RNF213: variants seen among roughly 807,000 people sequenced by gnomAD.
The protein encoded by RNF213 is E3 ubiquitin-protein ligase RNF213.
In RNF213, 341 loss-of-function variants were observed where a neutral mutation model predicts 514.4. That is an observed-to-expected ratio of 0.66 (90% CI 0.61 to 0.73). The LOEUF (loss-of-function observed/expected upper bound fraction) is 0.73, where lower values mean the gene tolerates loss of function less well. Ranked by LOEUF, RNF213 falls within the 30% of genes least tolerant of loss-of-function variation. The probability of loss-of-function intolerance (pLI) is 0.00; values close to 1 mark genes in which losing one functional copy is unlikely to be tolerated. For missense variants in RNF213, 5,767 were observed against 6,615.6 expected (o/e 0.87, Z 4.45); for synonymous variants, 2,655 against 2,658.2 (o/e 1.00, Z 0.04).
At chr17:80,365,604 G>A (rs2144425253) in intron 42 of RNF213, among the ~76,000 whole-genome samples, 1 of 152,180 alleles carries the variant, frequency 6.6e-6, no homozygotes, top group East Asian at 1.9e-4. Flanking sequence ...CTAAACTTAG[G>A]CACTCGGCCT....
At chr17:80,351,198 G>T (rs1305432638) in intron 31 of RNF213, among the ~76,000 whole-genome samples, 1 of 152,220 alleles carries the variant, frequency 6.6e-6, no homozygotes, top group Non-Finnish European at 1.5e-5. Context: ...AAATGGAAAG[G>T]TCCACTGGGT....
rs142036111 is a variant in RNF213, at chr17:80,351,028, A to G, written c.10184+632A>G. 4.7e-3 allele frequency among the ~76,000 whole-genome samples: 714 copies of G among 152,338 alleles called. 3 individuals are homozygous for G. Among genetic ancestry groups the G allele is most frequent in the African/African-American group, 0.016 (650 of 41,578 alleles). On this transcript the variant is annotated intron_variant, in intron 31 of 67. Coordinates refer to ENST00000582970, the MANE Select transcript of RNF213 (RefSeq NM_001256071.3). ...GTAGGGGAAGTCTGATGCTCTTAGA[A>G]TTAACTTTGTGCCTTTATTACTTAA...
chr17:80,381,971 CCCTGCCTGGCTAAGA>C, intron 57 of RNF213: 1 of 526,478 alleles, frequency 1.9e-6, no homozygotes, highest in Non-Finnish European at 3.5e-6. Context: ...CTCCATTCAC[CCCTGCCTGGCTAAGA>C]CCTGCGGTAT....
At chr17:80,267,314 A>T (rs200168435) in intron 2 of RNF213, among the ~76,000 whole-genome samples, 1 of 151,900 alleles carries the variant, frequency 6.6e-6, no homozygotes, top group African/African-American at 2.4e-5. Flanking sequence ...GGTGGCGTGT[A>T]CCTGTAGTCC....
intron 2 of RNF213, among the ~76,000 whole-genome samples, chr17:80,272,558 C>T (rs1000159938): frequency 1.3e-5 from 2 of 152,198 alleles, no homozygotes; most frequent in South Asian, 2.1e-4. Context: ...CCGCAAACGG[C>T]ACCAAGCCAT....
Position 80,263,901 on chromosome 17 carries a change from G to A in RNF213, c.97+123G>A, listed in dbSNP as rs908509893. ...CTCAGGTGGGGCCGAGGTCCTCTGTGGCTACTGAGGCTCTGTGGCTCTGAA... is the reference window on the plus strand; with the variant it reads ...CTCAGGTGGGGCCGAGGTCCTCTGTAGCTACTGAGGCTCTGTGGCTCTGAA... On this transcript the variant is annotated intron_variant, in intron 2 of 67. Coordinates refer to ENST00000582970, the MANE Select transcript of RNF213 (RefSeq NM_001256071.3). The surrounding 1 kb of genome is among the most constrained non-coding windows in gnomAD (Gnocchi z 4.9). 4.1e-6 allele frequency: 3 copies of A among 730,694 alleles called. No homozygotes were observed. The highest frequency in any genetic ancestry group is 1.5e-5 in the South Asian group (1 of 65,684). 45.3% of individuals were successfully genotyped at this position (730,694 alleles called of 1,614,324 possible). A position where few individuals can be genotyped will look rare whatever the true frequency, so the allele number is the denominator to read the frequency against.
At chr17:80,327,109 G>T (rs986684435) in intron 18 of RNF213, among the ~76,000 whole-genome samples, 2 of 152,192 alleles carry the variant, frequency 1.3e-5, no homozygotes, top group East Asian at 3.8e-4. Context: ...GATAGACATT[G>T]CTAGGTATGT....
At chr17:80,285,202 A>T (rs1292394814) in intron 3 of RNF213, among the ~76,000 whole-genome samples, 2 of 152,148 alleles carry the variant, frequency 1.3e-5, no homozygotes, top group Non-Finnish European at 2.9e-5. Context: ...ACCCTCAGTG[A>T]TGCTCTGATG....
At chr17:80,269,483 A>G (rs1249793275) in intron 2 of RNF213, among the ~76,000 whole-genome samples, 4 of 151,128 alleles carry the variant, frequency 2.6e-5, no homozygotes, top group Non-Finnish European at 5.9e-5. Context: ...TATTCTATCT[A>G]TCCATCCATC....
rs2080248650 is a variant in RNF213 at position 80,386,670 on chromosome 17, G to A, written c.14721-20G>A. ...CGCATGCCTGGCCTGGACGCTGAGC[G>A]CTGTCTTTCTGCCCCTCAGCTATTC... On this transcript the variant is annotated intron_variant, in intron 62 of 67. Transcript: ENST00000582970. 1.9e-6 allele frequency: 3 copies of A among 1,613,260 alleles called. No homozygotes were observed. The highest frequency in any genetic ancestry group is 1.3e-5 in the African/African-American group (1 of 75,034).
intron 3 of RNF213, among the ~76,000 whole-genome samples, chr17:80,276,540 A>G (rs552514557): frequency 6.6e-6 from 1 of 152,366 alleles, no homozygotes; most frequent in South Asian, 2.1e-4. Flanking sequence ...GAAAACCGAC[A>G]TGAACAAGAG....
At position 80,334,130 on chromosome 17, in the gene RNF213, G is replaced by C; in HGVS notation, c.4169G>C (p.Arg1390Pro). 1 of 1,537,196 alleles carries C rather than the reference G, an allele frequency of 6.5e-7. No individual in the cohort carries two copies. Among genetic ancestry groups the C allele is most frequent in the Non-Finnish European group, 8.7e-7 (1 of 1,146,904 alleles). ...NFTDNFDDFR[R>P]ETLDQINQEL... ...ACTGATAACTTCGACGACTTTCGCCGTGAAACACTGGACCAGATCAACCAG... is the reference window on the plus strand; with the variant it reads ...ACTGATAACTTCGACGACTTTCGCCCTGAAACACTGGACCAGATCAACCAG... The change falls in exon 22 of 68, where the codon CGT (arginine) becomes CCT (proline). Residue 1390 changes from arginine (R) to proline (P), a missense_variant. Physicochemically the swap from Arg to Pro is moderately radical, Grantham distance 103. Coordinates refer to ENST00000582970, the MANE Select transcript of RNF213 (RefSeq NM_001256071.3).
chr17:80,269,120 AC>A (rs2043709432), intron 2 of RNF213, among the ~76,000 whole-genome samples: 1 of 152,118 alleles, frequency 6.6e-6, no homozygotes, highest in Non-Finnish European at 1.5e-5. Flanking sequence ...GAGCCAGCTT[AC>A]CCCACCTTCT....
rs549328844 is a variant in RNF213 at position 80,319,171 on chromosome 17, C to G, written c.2902-19C>G. 6 of 1,614,114 alleles carry G rather than the reference C, an allele frequency of 3.7e-6. No individual in the cohort carries two copies. The South Asian group carries it at 5.5e-5, about 15-fold the overall frequency. On this transcript the variant is annotated intron_variant, in intron 16 of 67. Coordinates refer to ENST00000582970, the MANE Select transcript of RNF213 (RefSeq NM_001256071.3). ...CTGCATCCGAAAGCTCTGAAACCAC[C>G]CCCCTTTGATTTTTGCAGGAGGAAC...
At chr17:80,298,595 G>C in intron 11 of RNF213, 77 bp downstream of exon 11, 1 of 1,483,754 alleles carries the variant, frequency 6.7e-7, no homozygotes, top group Non-Finnish European at 9.3e-7. Flanking sequence ...AGTCCCGGTG[G>C]GCTCTGCAGT....
At chr17:80,313,729 AGGTGACAATGGTGATGCT>A (rs2045673315) in intron 15 of RNF213, among the ~76,000 whole-genome samples, 1 of 110,882 alleles carries the variant, frequency 9.0e-6, no homozygotes, top group Non-Finnish European at 1.9e-5. Flanking sequence ...GTGGTGGTGG[AGGTGACAATGGTGATGCT>A]GGTGGTGGAG....
chr17:80,328,117 T>G, intron 19 of RNF213, 128 bp downstream of exon 19: 2 of 1,224,042 alleles, frequency 1.6e-6, no homozygotes, highest in Admixed American at 2.3e-5. Context: ...GTATCTCTTC[T>G]TGCTCATAAG....
At chr17:80,281,606 A>ATATCCC (rs1568006882) in intron 3 of RNF213, among the ~76,000 whole-genome samples, 1 of 48,906 alleles carries the variant, frequency 2.0e-5, no homozygotes, top group African/African-American at 6.8e-5. Context: ...ACACACAGCC[A>ATATCCC]ACTCACACCA....
chr17:80,383,590 C>CA, intron 58 of RNF213, 87 bp from the exon 59 acceptor site: 1 of 1,395,468 alleles, frequency 7.2e-7, no homozygotes, highest in Non-Finnish European at 1.0e-6. Context: ...AATATGCAGA[C>CA]ACCCACTGGT....
Sources: allele counts gnomAD v4.1 joint callset (sites outside exome capture counted in the v4.1 genomes callset), GRCh38; gene constraint gnomAD v4.1.1; non-coding constraint Gnocchi (gnomAD v3.1); transcripts MANE v1.5; gene names NCBI Gene and HGNC (gene_info 2026-07-23, HGNC 2026-07-21).